The following PEPD variants were observed in gnomAD, a reference collection of about 807,000 sequenced individuals.
The protein encoded by PEPD is xaa-Pro dipeptidase.
In PEPD, 53 loss-of-function variants were observed where a neutral mutation model predicts 60.7. The observed-to-expected ratio is 0.87, with a 90% CI of 0.70 to 1.10. The LOEUF (loss-of-function observed/expected upper bound fraction) is 1.10. PEPD is among the 50% of genes least tolerant of loss of function. PEPD has a pLI of 0.00. For missense variants in PEPD, 711 were observed against 711.9 expected (o/e 1.00, Z 0.01); for synonymous variants, 267 against 284.1 (o/e 0.94, Z 0.60).
chr19:33,411,583 G>C, intron 11 of PEPD, 89 bp downstream of exon 11: 2 of 759,680 alleles, frequency 2.6e-6, no homozygotes, highest in South Asian at 2.9e-5. Context: ...TCAGGACAGG[G>C]ACCCAGAGGC....
intron 3 of PEPD, among the ~76,000 whole-genome samples, chr19:33,510,537 A>G (rs1970903294): frequency 6.6e-6 from 1 of 152,188 alleles, no homozygotes; most frequent in Non-Finnish European, 1.5e-5. Flanking sequence ...TAGTCTTTTA[A>G]TATGCAAATG....
chr19:33,388,116 G>C, intron 13 of PEPD, 35 bp from the exon 14 acceptor site: 2 of 1,510,930 alleles, frequency 1.3e-6, no homozygotes, highest in Non-Finnish European at 8.9e-7. Context: ...CTGATGAGCA[G>C]CTCCAGGGCT....
chr19:33,436,176 A>G (rs1969371894), intron 9 of PEPD, among the ~76,000 whole-genome samples: 1 of 151,446 alleles, frequency 6.6e-6, no homozygotes, highest in Non-Finnish European at 1.5e-5. Flanking sequence ...GGAGAGGGAG[A>G]AAGAGGAGGA....
At chr19:33,468,423 C>T (rs1193400836) in intron 7 of PEPD, among the ~76,000 whole-genome samples, 2 of 152,278 alleles carry the variant, frequency 1.3e-5, no homozygotes, top group Non-Finnish European at 1.5e-5. Flanking sequence ...GGGCACCTCT[C>T]CTGCATCTCC....
intron 9 of PEPD, among the ~76,000 whole-genome samples, chr19:33,442,758 T>C (rs1969508133): frequency 6.6e-6 from 1 of 151,916 alleles, no homozygotes; most frequent in South Asian, 2.1e-4. Flanking sequence ...AATAAATAAA[T>C]AAAATAATGG....
At chr19:33,397,730 A>G (rs1182136218) in intron 12 of PEPD, among the ~76,000 whole-genome samples, 1 of 152,108 alleles carries the variant, frequency 6.6e-6, no homozygotes, top group Non-Finnish European at 1.5e-5. Flanking sequence ...CCTGCCTCCC[A>G]TGGTCTGAGA....
chr19:33,451,841 G>T (rs1969706647), intron 9 of PEPD, among the ~76,000 whole-genome samples: 1 of 152,056 alleles, frequency 6.6e-6, no homozygotes, highest in African/African-American at 2.4e-5. Flanking sequence ...ATATAATAAA[G>T]ACATAACAAT....
chr19:33,457,665 C>A (rs1221726764), intron 9 of PEPD, among the ~76,000 whole-genome samples: 3 of 152,238 alleles, frequency 2.0e-5, no homozygotes, highest in Non-Finnish European at 4.4e-5. Flanking sequence ...CGCCCGACAC[C>A]TAGCCCAGCT....
At chr19:33,407,668 G>A (rs1046171889) in intron 11 of PEPD, among the ~76,000 whole-genome samples, 1 of 152,178 alleles carries the variant, frequency 6.6e-6, no homozygotes, top group Non-Finnish European at 1.5e-5. Flanking sequence ...GTTTAAAAAG[G>A]AAAACAAAAA....
rs1300212381 is a variant in PEPD at position 33,503,970 on chromosome 19, T to C, written c.330-2969A>G. Among the ~76,000 whole-genome samples the C allele has an allele frequency of 2.0e-5, 3 of 152,000 alleles. No individual in the cohort carries two copies. In the East Asian group the frequency reaches 5.8e-4, roughly 29 times the overall value. On this transcript the variant is annotated intron_variant, in intron 3 of 14. Transcript: ENST00000244137. ...TGTGCGGAGGGAAGCCACCAGGAAATGCATTCCCGCCCCTCCTGCCAAAAA... is the reference window on the plus strand; with the variant it reads ...TGTGCGGAGGGAAGCCACCAGGAAACGCATTCCCGCCCCTCCTGCCAAAAA...
chr19:33,417,838 C>T (rs1265588635), intron 9 of PEPD, among the ~76,000 whole-genome samples: 1 of 152,222 alleles, frequency 6.6e-6, no homozygotes, highest in Non-Finnish European at 1.5e-5. Flanking sequence ...CATAGGTCCA[C>T]GGCCCGGACA....
chr19:33,461,020 C>A (rs1969915768), intron 9 of PEPD, among the ~76,000 whole-genome samples: 2 of 152,156 alleles, frequency 1.3e-5, no homozygotes, highest in East Asian at 3.9e-4. Flanking sequence ...TTGAACAAAC[C>A]AATGCTAAAA....
chr19:33,444,914 C>T (rs1395929355), intron 9 of PEPD, among the ~76,000 whole-genome samples: 1 of 152,186 alleles, frequency 6.6e-6, no homozygotes, highest in Admixed American at 6.5e-5. Context: ...AGTGTGTAAT[C>T]CTCCCACTTG....
intron 6 of PEPD, among the ~76,000 whole-genome samples, chr19:33,480,957 CA>C (rs1361640455): frequency 2.0e-5 from 3 of 152,038 alleles, no homozygotes; most frequent in Non-Finnish European, 4.4e-5. Flanking sequence ...GGTCACAAAA[CA>C]AGTTCCAATA....
rs774420134 is a variant in PEPD at position 33,500,067 on chromosome 19, C to T, written c.393+871G>A. 6.3e-4 allele frequency among the ~76,000 whole-genome samples: 96 copies of T among 152,248 alleles called. 1 individual carries two copies. The highest frequency in any genetic ancestry group is 1.1e-3 in the Non-Finnish European group (74 of 68,050). ...GCTCTTAGCATGGCCGACACATAAT[C>T]TCTGTCTGGGGAAATGTGGCTACAG... is the stretch of plus-strand genomic sequence containing the variant. On this transcript the variant is annotated intron_variant, in intron 4 of 14. Transcript: ENST00000244137.
In PEPD at chr19:33,443,860, C is replaced by T. The variant is rs748879888; in HGVS notation, c.671+19135G>A. On this transcript the variant is annotated intron_variant, in intron 9 of 14. Coordinates refer to ENST00000244137, the MANE Select transcript of PEPD (RefSeq NM_000285.4). The stretch of plus-strand genomic sequence containing the variant: ...GTGTGTAATGGGTGTACATATCACA[C>T]ACTTGCGAACATGCGCGTGCACACA... 6.6e-5 allele frequency among the ~76,000 whole-genome samples: 10 copies of T among 151,952 alleles called. No homozygotes were observed. The South Asian group carries it at 8.3e-4, about 13-fold the overall frequency.
At chr19:33,509,227 G>C (rs933375809) in intron 3 of PEPD, among the ~76,000 whole-genome samples, 4 of 152,256 alleles carry the variant, frequency 2.6e-5, no homozygotes, top group Non-Finnish European at 5.9e-5. Context: ...GCCTCCGAGG[G>C]GCAGCCCGGC....
intron 7 of PEPD, among the ~76,000 whole-genome samples, chr19:33,471,768 G>A (rs1970124370): frequency 6.6e-6 from 1 of 152,220 alleles, no homozygotes; most frequent in African/African-American, 2.4e-5. Flanking sequence ...CCGGCACCTT[G>A]GGAGGCCAAG....
Position 33,391,501 on chromosome 19 carries a change from C to T in PEPD, c.968-22G>A, listed in dbSNP as rs770576255. ...ACACCTGTGGGCCAGAGGGAGCTGC[C>T]GTGAGCCACAGAGCCCAGCAGCCAA... is the stretch of plus-strand genomic sequence containing the variant. On this transcript the variant is annotated intron_variant, in intron 12 of 14. Coordinates refer to ENST00000244137, the MANE Select transcript of PEPD (RefSeq NM_000285.4). 4.8e-5 allele frequency: 75 copies of T among 1,546,480 alleles called. 1 individual carries two copies. The highest frequency in any genetic ancestry group is 9.5e-5 in the South Asian group (8 of 83,964).
Sources: gnomAD v4.1 joint callset for allele counts (sites outside exome capture counted in the v4.1 genomes callset) on GRCh38, gnomAD v4.1.1 for gene constraint, MANE v1.5 for transcripts, NCBI Gene and HGNC (gene_info 2026-07-23, HGNC 2026-07-21) for gene names.